The following SH3PXD2A variants were observed in gnomAD, a reference collection of about 807,000 sequenced individuals.
SH3PXD2A encodes the protein SH3 and PX domains 2A.
In SH3PXD2A, 32 loss-of-function variants were observed where a neutral mutation model predicts 115.2. That is an observed-to-expected ratio of 0.28 (90% CI 0.21 to 0.37). SH3PXD2A has a LOEUF of 0.37. Among genes scored for constraint, SH3PXD2A ranks in the 10% least tolerant of loss-of-function variants. The probability of loss-of-function intolerance (pLI) is 1.00; values close to 1 mark genes in which losing one functional copy is unlikely to be tolerated. For synonymous variants in SH3PXD2A, 610 were observed against 629.1 expected, an observed-to-expected ratio of 0.97 and a Z score of 0.45; for missense variants, 1,328 against 1,498.7, an observed-to-expected ratio of 0.89 and a Z score of 1.88.
At chr10:103,811,111 T>C (rs1472671401) in intron 1 of SH3PXD2A, among the ~76,000 whole-genome samples, 2 of 152,200 alleles carry the variant, frequency 1.3e-5, no homozygotes, top group East Asian at 3.8e-4. Flanking sequence ...AGGATGAACG[T>C]GCTGCGGTTG....
In SH3PXD2A at chr10:103,836,741, TC is replaced by T. The variant is rs370923158; in HGVS notation, c.72+18453del. 2.9e-4 allele frequency among the ~76,000 whole-genome samples: 44 copies of T among 152,070 alleles called. No homozygotes were observed. In the East Asian group the frequency reaches 7.5e-3, roughly 26 times the overall value. On this transcript the variant is annotated intron_variant, in intron 1 of 14. Transcript: ENST00000369774. ...TCTCCCTTTGTTTTCTTAAAGATGT[TC>T]TCACCATCTCTAAAAACACACTAGT...
chr10:103,747,323 C>T (rs966692569), intron 3 of SH3PXD2A, among the ~76,000 whole-genome samples: 4 of 152,164 alleles, frequency 2.6e-5, no homozygotes, highest in African/African-American at 7.2e-5. Flanking sequence ...GCTGTACCCC[C>T]TCCATGTGGG....
At chr10:103,743,162 T>C (rs1330657596) in intron 3 of SH3PXD2A, among the ~76,000 whole-genome samples, 2 of 152,098 alleles carry the variant, frequency 1.3e-5, no homozygotes, top group Admixed American at 6.5e-5. Context: ...TGCTGACAGA[T>C]TGATGAAGAC....
intron 6 of SH3PXD2A, among the ~76,000 whole-genome samples, chr10:103,669,092 T>C (rs2037424327): frequency 6.6e-6 from 1 of 152,176 alleles, no homozygotes; most frequent in Non-Finnish European, 1.5e-5. Context: ...GAACCTCAAA[T>C]GTCAGGGTTG....
chr10:103,813,189 T>C (rs1208017050), intron 1 of SH3PXD2A, among the ~76,000 whole-genome samples: 4 of 152,192 alleles, frequency 2.6e-5, no homozygotes, highest in African/African-American at 7.2e-5. Flanking sequence ...GGGGGGAAGT[T>C]TGCATATGTG....
chr10:103,616,408 G>C (rs1419445774), intron 11 of SH3PXD2A, among the ~76,000 whole-genome samples: 1 of 152,208 alleles, frequency 6.6e-6, no homozygotes, highest in Non-Finnish European at 1.5e-5. Flanking sequence ...AGCACTTACT[G>C]AGATCAAGTC....
intron 2 of SH3PXD2A, among the ~76,000 whole-genome samples, chr10:103,785,333 C>G (rs554915645): frequency 3.3e-5 from 5 of 152,286 alleles, no homozygotes; most frequent in African/African-American, 1.2e-4. Flanking sequence ...ATGGAACAGA[C>G]AGATGAGACC....
chr10:103,850,747 CTG>C (rs1842889337), intron 1 of SH3PXD2A, among the ~76,000 whole-genome samples: 1 of 152,210 alleles, frequency 6.6e-6, no homozygotes, highest in African/African-American at 2.4e-5. Flanking sequence ...CCCCATCAGA[CTG>C]TGAAAAGCTG....
chr10:103,762,105 T>C (rs1158762868), intron 3 of SH3PXD2A, among the ~76,000 whole-genome samples: 1 of 147,192 alleles, frequency 6.8e-6, no homozygotes, highest in African/African-American at 2.5e-5. Context: ...CACTGTGACC[T>C]CTGCCTCCCA....
chr10:103,795,488 T>C (rs1339641486), intron 2 of SH3PXD2A, among the ~76,000 whole-genome samples: 1 of 152,204 alleles, frequency 6.6e-6, no homozygotes, highest in Non-Finnish European at 1.5e-5. Context: ...TGCACATTCA[T>C]GCACTTGTCT....
chr10:103,767,275 G>C, intron 2 of SH3PXD2A, 106 bp from the exon 3 acceptor site: 3 of 791,812 alleles, frequency 3.8e-6, no homozygotes, highest in South Asian at 3.0e-5. Context: ...GTCCTCACAC[G>C]GATGAGTGAC....
Position 103,627,181 on chromosome 10 carries a change from G to T in SH3PXD2A, c.626C>A (p.Ser209Tyr), listed in dbSNP as rs777256655. 5.6e-6 allele frequency: 9 copies of T among 1,612,124 alleles called. No homozygotes were observed. The South Asian group carries it at 8.8e-5, about 16-fold the overall frequency. Residue 209 changes from serine to tyrosine, a missense_variant, in exon 9 of 15, where the codon TCT becomes TAT. This residue lies in a region of SH3PXD2A where 509 missense variants were observed against 628.3 expected (regional missense o/e 0.81). Coordinates refer to ENST00000369774, the MANE Select transcript of SH3PXD2A (RefSeq NM_001394015.1). The surrounding 1 kb of genome is among the most constrained non-coding windows in gnomAD (Gnocchi z 4.4). ...NESGWWFVST[S>Y]EEQGWVPATY... The stretch of plus-strand genomic sequence containing the variant: ...GGCAGGGACCCAGCCCTGCTCCTCA[G>T]AAGTGCTCACGAACCACCAGCCTGC...
In SH3PXD2A at chr10:103,598,643, T is replaced by C. The variant is rs1239950776; in HGVS notation, c.*3173A>G. ...TTTTCTTTTTCCTTTTTTAGTCCGA[T>C]CTGGTTTTCCTCCAGATGGGTCAGA... On this transcript the variant is annotated 3_prime_UTR_variant, in exon 15 of 15. Transcript: ENST00000369774. The C allele has an allele frequency of 6.6e-6, 1 of 152,662 alleles. No homozygotes were observed. Among genetic ancestry groups the C allele is most frequent in the East Asian group, 1.9e-4 (1 of 5,194 alleles). The allele number at this position is 152,662 out of a possible 1,614,324, so 9.5% of individuals were successfully genotyped here.
chr10:103,826,937 G>GC (rs1261739905), intron 1 of SH3PXD2A, among the ~76,000 whole-genome samples: 1 of 152,160 alleles, frequency 6.6e-6, no homozygotes, highest in African/African-American at 2.4e-5. Context: ...GGATGCTTCG[G>GC]CCCGGCTAAT....
rs147624111 is a variant in SH3PXD2A, at chr10:103,659,743, C to T, written c.604+1240G>A. ...TGACCTGAGAGGGGAGCAGGCACTT[C>T]GAAGACCTCAGAGCAGGAGGGCCAC... is the stretch of plus-strand genomic sequence containing the variant. On this transcript the variant is annotated intron_variant, in intron 8 of 14. Coordinates refer to ENST00000369774, the MANE Select transcript of SH3PXD2A (RefSeq NM_001394015.1). Among the ~76,000 whole-genome samples the T allele has an allele frequency of 2.4e-4, 37 of 152,262 alleles. 1 individual carries two copies. In the East Asian group the frequency reaches 6.4e-3, roughly 26 times the overall value.
intron 2 of SH3PXD2A, among the ~76,000 whole-genome samples, chr10:103,779,977 C>T (rs1193095971): frequency 6.6e-6 from 1 of 152,246 alleles, no homozygotes; most frequent in African/African-American, 2.4e-5. Context: ...ACGGCTTTAA[C>T]CTTTTCCCGG....
At position 103,784,589 on chromosome 10, in the gene SH3PXD2A, A is replaced by G. The variant is rs1239591019; in HGVS notation, c.153+16693T>C. On this transcript the variant is annotated intron_variant, in intron 2 of 14. Coordinates refer to ENST00000369774, the MANE Select transcript of SH3PXD2A (RefSeq NM_001394015.1). This position sits in a 1 kb window ranked among gnomAD's most constrained non-coding sequence, Gnocchi z 4.4. ...TAGGATTGAAAACATTCCTAATTAC[A>G]AATAAACACTGGAGAGAAGCTGCAG... Among the ~76,000 whole-genome samples the G allele has an allele frequency of 6.6e-6, 1 of 152,166 alleles. No individual in the cohort carries two copies. Among genetic ancestry groups the G allele is most frequent in the East Asian group, 1.9e-4 (1 of 5,198 alleles).
At chr10:103,661,750 A>C (rs2037307999) in intron 7 of SH3PXD2A, 2 of 985,188 alleles carry the variant, frequency 2.0e-6, no homozygotes, top group South Asian at 4.7e-5. Flanking sequence ...TGAGGCCGCC[A>C]ATCACTGGGG....
chr10:103,728,897 G>GTTTTTTTTTTTTTTT (rs57283527), intron 4 of SH3PXD2A, among the ~76,000 whole-genome samples: 63 of 135,892 alleles, frequency 4.6e-4, no homozygotes, highest in African/African-American at 7.3e-4. Flanking sequence ...TTGTTTGTTT[G>GTTTTTTTTTTTTTTT]TTTTTTTTTT....
Sources: allele counts gnomAD v4.1 joint callset (sites outside exome capture counted in the v4.1 genomes callset), GRCh38; gene constraint gnomAD v4.1.1; regional missense constraint gnomAD v4.1.1; non-coding constraint Gnocchi (gnomAD v3.1); transcripts MANE v1.5; gene names NCBI Gene and HGNC (gene_info 2026-07-23, HGNC 2026-07-21).